ASB3: variants seen among roughly 807,000 people sequenced by gnomAD.
ASB3 encodes ankyrin repeat and SOCS box protein 3.
A neutral mutation model predicts 54.5 loss-of-function variants in ASB3; 41 were observed. The observed-to-expected ratio is 0.75, with a 90% CI of 0.59 to 0.98. The LOEUF (loss-of-function observed/expected upper bound fraction) is 0.98, where lower values mean the gene tolerates loss of function less well. ASB3 is among the 50% of genes least tolerant of loss of function. The pLI is 0.00. For synonymous variants in ASB3, 266 were observed against 221.2 expected (o/e 1.20, Z -1.80); for missense variants, 733 against 620.0 (o/e 1.18, Z -1.94).
intron 8 of ASB3, among the ~76,000 whole-genome samples, chr2:53,699,939 T>C (rs775302414): frequency 2.6e-5 from 4 of 152,146 alleles, no homozygotes; most frequent in Non-Finnish European, 4.4e-5. Flanking sequence ...ACAACAGAAA[T>C]CTCCAAAGCA....
At chr2:53,684,159 GAATT>G (rs374736571) in intron 9 of ASB3, among the ~76,000 whole-genome samples, 37 of 152,160 alleles carry the variant, frequency 2.4e-4, no homozygotes, top group African/African-American at 8.4e-4. Flanking sequence ...ACTAATTAAG[GAATT>G]AATAACTAGA....
In ASB3 at chr2:53,704,043, T is replaced by C. The variant is rs542155250; in HGVS notation, c.981-3515A>G. Among the ~76,000 whole-genome samples the C allele has an allele frequency of 2.4e-4, 36 of 152,320 alleles. No individual in the cohort carries two copies. In the South Asian group the frequency reaches 6.8e-3, roughly 29 times the overall value. On this transcript the variant is annotated intron_variant, in intron 7 of 9. Transcript: ENST00000263634. ...ATTCTTATAACTGGTAAAAGTGATATAGGAAATTCGTGTATCACTCATTAA... is the reference window on the plus strand; with the variant it reads ...ATTCTTATAACTGGTAAAAGTGATACAGGAAATTCGTGTATCACTCATTAA...
At chr2:53,750,482 T>A (rs1672455839) in intron 3 of ASB3, among the ~76,000 whole-genome samples, 1 of 152,118 alleles carries the variant, frequency 6.6e-6, no homozygotes, top group Non-Finnish European at 1.5e-5. Flanking sequence ...CAACTACTGC[T>A]ACAATTTAAG....
chr2:53,761,825 T>C (rs1673165077), intron 2 of ASB3, among the ~76,000 whole-genome samples: 1 of 152,204 alleles, frequency 6.6e-6, no homozygotes, highest in Non-Finnish European at 1.5e-5. Flanking sequence ...TAAAACTCCA[T>C]CCTACAGAAA....
Position 53,726,299 on chromosome 2 carries a change from C to CA in ASB3, c.604+2412dup, listed in dbSNP as rs1319489756. ...TTTGGGAGACGGAGTCCCACTCTGT[C>CA]ACCCAGGCTGGAGTGCAGAGGCGCG... On this transcript the variant is annotated intron_variant, in intron 5 of 9. Transcript: ENST00000263634. 2.8e-5 allele frequency among the ~76,000 whole-genome samples: 4 copies of CA among 145,214 alleles called. No individual in the cohort carries two copies. The East Asian group carries it at 8.1e-4, about 29-fold the overall frequency.
chr2:53,761,763 T>C (rs1673161593), intron 2 of ASB3, among the ~76,000 whole-genome samples: 1 of 152,220 alleles, frequency 6.6e-6, no homozygotes, highest in Admixed American at 6.5e-5. Flanking sequence ...ATATATTCTA[T>C]TGGTTCTATT....
chr2:53,774,581 G>A (rs926423585), intron 1 of ASB3: 28 of 1,277,974 alleles, frequency 2.2e-5, no homozygotes, highest in Admixed American at 5.3e-5. Context: ...TTGGAAATAC[G>A]TTTACTTAAA....
At chr2:53,778,700 CACAAATG>C (rs1269067661) in intron 1 of ASB3, among the ~76,000 whole-genome samples, 1 of 152,208 alleles carries the variant, frequency 6.6e-6, no homozygotes, top group East Asian at 1.9e-4. Context: ...TCCATGTCGT[CACAAATG>C]ACAAAGTTTC....
chr2:53,762,036 T>C (rs1453063666), intron 2 of ASB3, among the ~76,000 whole-genome samples: 2 of 152,222 alleles, frequency 1.3e-5, no homozygotes, highest in African/African-American at 4.8e-5. Flanking sequence ...TGTTGCATTT[T>C]AAAATGATCC....
intron 5 of ASB3, among the ~76,000 whole-genome samples, chr2:53,721,503 G>T (rs920650554): frequency 6.6e-6 from 1 of 151,994 alleles, no homozygotes; most frequent in Non-Finnish European, 1.5e-5. Flanking sequence ...CCTGGGAGGC[G>T]GAGGTTGCGG....
Position 53,716,590 on chromosome 2 carries a change from G to A in ASB3, c.758C>T (p.Ala253Val), listed in dbSNP as rs1670407666. 1 of 1,613,494 alleles carries A rather than the reference G, an allele frequency of 6.2e-7. No individual in the cohort carries two copies. The highest frequency in any genetic ancestry group is 8.5e-7 in the Non-Finnish European group (1 of 1,179,666). ...NEDSWQLPIHAAAQMGHTKIL... is the reference protein window; with the variant it reads ...NEDSWQLPIHVAAQMGHTKIL... ...CTTTGTATGGCCCATTTGTGCAGCT[G>A]CATGAATAGGTAACTGCCAACTGTC... The change falls in exon 6 of 10, where the codon GCA becomes GTA. Residue 253 changes from alanine (A) to valine (V), a missense_variant. By Grantham distance (64) the Ala-to-Val change is moderately conservative. Transcript: ENST00000263634.
intron 8 of ASB3, among the ~76,000 whole-genome samples, chr2:53,697,254 G>A (rs973077017): frequency 1.3e-5 from 2 of 152,190 alleles, no homozygotes; most frequent in African/African-American, 4.8e-5. Flanking sequence ...TAAAAAGGGG[G>A]AAACCCTCAG....
chr2:53,743,043 A>AGAAT (rs1461999182), intron 3 of ASB3, among the ~76,000 whole-genome samples: 3 of 152,228 alleles, frequency 2.0e-5, no homozygotes, highest in Non-Finnish European at 4.4e-5. Context: ...ACTCTAGAAC[A>AGAAT]GAATGGATCA....
intron 2 of ASB3, among the ~76,000 whole-genome samples, chr2:53,763,307 T>G (rs1673250828): frequency 6.6e-6 from 1 of 152,058 alleles, no homozygotes; most frequent in Non-Finnish European, 1.5e-5. Flanking sequence ...GGTGGTGAGC[T>G]GAGGTCGCAC....
intron 9 of ASB3, among the ~76,000 whole-genome samples, chr2:53,679,105 A>C (rs1668232447): frequency 1.3e-5 from 2 of 151,952 alleles, no homozygotes; most frequent in Non-Finnish European, 2.9e-5. Flanking sequence ...TGGGCCCATC[A>C]CTTCAATTAT....
At chr2:53,785,198 C>T (rs1439910173) in intron 1 of ASB3, among the ~76,000 whole-genome samples, 1 of 152,246 alleles carries the variant, frequency 6.6e-6, no homozygotes, top group East Asian at 1.9e-4. Flanking sequence ...ACACATCCTA[C>T]AGGTATTGTC....
intron 1 of ASB3, chr2:53,771,849 C>T (rs572670535): frequency 3.3e-6 from 3 of 915,200 alleles, no homozygotes; most frequent in East Asian, 2.5e-5. Flanking sequence ...TGCTAATGCT[C>T]AGCTACTTAA....
At chr2:53,743,573 A>G (rs1572951369) in intron 3 of ASB3, among the ~76,000 whole-genome samples, 1 of 152,304 alleles carries the variant, frequency 6.6e-6, no homozygotes, top group East Asian at 1.9e-4. Context: ...CGGGGGGAGA[A>G]AGAGAGTTAT....
At chr2:53,701,009 T>C (rs1034959070) in intron 7 of ASB3, among the ~76,000 whole-genome samples, 1 of 152,226 alleles carries the variant, frequency 6.6e-6, no homozygotes, top group East Asian at 1.9e-4. Context: ...AGGGTCTTGC[T>C]CTGTGGCCCA....
Sources: allele counts gnomAD v4.1 joint callset (sites outside exome capture counted in the v4.1 genomes callset), GRCh38; gene constraint gnomAD v4.1.1; transcripts MANE v1.5; gene names NCBI Gene and HGNC (gene_info 2026-07-23, HGNC 2026-07-21).